C10orf88: variants seen among roughly 807,000 people sequenced by gnomAD.
The protein encoded by C10orf88 is chromosome 10 open reading frame 88, also known as ATPase PAAT.
A neutral mutation model predicts 34.2 loss-of-function variants in C10orf88; 29 were observed. That is an observed-to-expected ratio of 0.85 (90% CI 0.63 to 1.16). The LOEUF is 1.16. Ranked by LOEUF, C10orf88 falls within the 50% of genes most tolerant of loss-of-function variation. The probability of loss-of-function intolerance (pLI) is 0.00; values close to 1 mark genes in which losing one functional copy is unlikely to be tolerated. For missense variants in C10orf88, 507 were observed against 533.2 expected (o/e 0.95, Z 0.48); for synonymous variants, 194 against 197.4 (o/e 0.98, Z 0.15).
At chr10:122,942,422 G>A (rs1848593784) in intron 4 of C10orf88, among the ~76,000 whole-genome samples, 1 of 152,160 alleles carries the variant, frequency 6.6e-6, no homozygotes, top group South Asian at 2.1e-4. Flanking sequence ...ATATCATACT[G>A]AATGGACAAA....
chr10:122,946,419 G>A (rs1401559104), intron 4 of C10orf88, among the ~76,000 whole-genome samples: 1 of 152,096 alleles, frequency 6.6e-6, no homozygotes, highest in Non-Finnish European at 1.5e-5. Flanking sequence ...AAAGTAACAT[G>A]CTATACAGGT....
chr10:122,951,936 T>C lies in C10orf88; in HGVS notation c.441+18A>G. 1 of 1,486,980 alleles carries C rather than the reference T, an allele frequency of 6.7e-7. No homozygotes were observed. The highest frequency in any genetic ancestry group is 1.2e-5 in the South Asian group (1 of 83,532). 92.1% of individuals were successfully genotyped at this position (1,486,980 alleles called of 1,614,324 possible). On this transcript the variant is annotated intron_variant, in intron 3 of 5. Transcript: ENST00000481909. ...AAAACAACTTAGTTGTCAAATTAGT[T>C]TACAACTGACAACTTACCTTTATTT...
At chr10:122,942,939 G>A (rs1848600123) in intron 4 of C10orf88, among the ~76,000 whole-genome samples, 1 of 147,270 alleles carries the variant, frequency 6.8e-6, no homozygotes, top group Admixed American at 6.8e-5. Context: ...CGTGAAAATG[G>A]CCATACTGCC....
chr10:122,940,738 G>A lies in C10orf88; in HGVS notation c.649-2579C>T, dbSNP rs565686509. Among the ~76,000 whole-genome samples, 252 of 152,074 alleles carry A rather than the reference G, an allele frequency of 1.7e-3. 1 individual carries two copies. Among genetic ancestry groups the A allele is most frequent in the Non-Finnish European group, 2.9e-3 (195 of 67,890 alleles). The stretch of plus-strand genomic sequence containing the variant: ...ATTTCTCTTTATGTGAGCCTCCACT[G>A]TTAACATGCTATTAAAAATTTTGAA... On this transcript the variant is annotated intron_variant, in intron 4 of 5. Coordinates refer to ENST00000481909, the MANE Select transcript of C10orf88 (RefSeq NM_024942.4).
chr10:122,932,503 T>G lies in C10orf88; in HGVS notation c.1262A>C (p.Asn421Thr), dbSNP rs147443904. 14 of 1,613,896 alleles carry G rather than the reference T, an allele frequency of 8.7e-6. No homozygotes were observed. In the African/African-American group the frequency reaches 1.5e-4, roughly 17 times the overall value. ...TATCCCAGTGGGCGGGGAGTTAGGA[T>G]TTTGCAGCAAATCCAGTAACAAAGC... ...KIALLLDLLQNPNSPPTGIPL... is the reference protein window; with the variant it reads ...KIALLLDLLQTPNSPPTGIPL... The change falls in exon 6 of 6, where the codon AAT becomes ACT. Residue 421 changes from asparagine to threonine, a missense_variant. Physicochemically the swap from Asn to Thr is moderately conservative, Grantham distance 65. Transcript: ENST00000481909.
chr10:122,937,616 G>C (rs1848544888), intron 5 of C10orf88, 89 bp downstream of exon 5: 4 of 1,169,706 alleles, frequency 3.4e-6, no homozygotes, highest in Non-Finnish European at 4.8e-6. Context: ...ACAAATTTTA[G>C]GCAGTACTCA....
At chr10:122,935,397 A>G (rs553266217) in intron 5 of C10orf88, among the ~76,000 whole-genome samples, 2 of 152,164 alleles carry the variant, frequency 1.3e-5, no homozygotes, top group East Asian at 3.9e-4. Context: ...AGCACAGGTT[A>G]AAAAGACAAT....
intron 1 of C10orf88, among the ~76,000 whole-genome samples, chr10:122,953,799 C>T (rs559992978): frequency 6.6e-6 from 1 of 152,076 alleles, no homozygotes; most frequent in Non-Finnish European, 1.5e-5. Context: ...GGTCACCTTC[C>T]CCCTCTCACG....
chr10:122,936,026 A>T (rs1848531370), intron 5 of C10orf88, among the ~76,000 whole-genome samples: 1 of 151,936 alleles, frequency 6.6e-6, no homozygotes, highest in Admixed American at 6.6e-5. Flanking sequence ...TTTTAAAAGC[A>T]TGTAAAATTG....
intron 4 of C10orf88, among the ~76,000 whole-genome samples, chr10:122,947,422 T>C (rs1848650148): frequency 6.6e-6 from 1 of 152,192 alleles, no homozygotes; most frequent in Admixed American, 6.5e-5. Context: ...AAAAAAATAT[T>C]AATTAACTTG....
intron 4 of C10orf88, among the ~76,000 whole-genome samples, chr10:122,943,856 A>G (rs1848609213): frequency 6.6e-6 from 1 of 152,260 alleles, no homozygotes; most frequent in South Asian, 2.1e-4. Flanking sequence ...AATGGCAATC[A>G]TTAAAAAGTC....
intron 4 of C10orf88, among the ~76,000 whole-genome samples, chr10:122,940,432 A>G (rs545848105): frequency 1.3e-5 from 2 of 152,152 alleles, no homozygotes; most frequent in South Asian, 4.1e-4. Context: ...TTGCTATTCA[A>G]TAGGTATAAA....
chr10:122,951,855 C>G lies in C10orf88; in HGVS notation c.441+99G>C. On this transcript the variant is annotated intron_variant, in intron 3 of 5. Coordinates refer to ENST00000481909, the MANE Select transcript of C10orf88 (RefSeq NM_024942.4). ...GAAAAGAAAAAAAAAAGCAAGCAAGCAAGTTGGACTAATTGTATTACTAAT... is the reference window on the plus strand; with the variant it reads ...GAAAAGAAAAAAAAAAGCAAGCAAGGAAGTTGGACTAATTGTATTACTAAT... 4.0e-6 allele frequency: 3 copies of G among 745,464 alleles called. No individual in the cohort carries two copies. The South Asian group carries it at 4.9e-5, about 12-fold the overall frequency. The allele number at this position is 745,464 out of a possible 1,614,324, so 46.2% of individuals were successfully genotyped here. A position where few individuals can be genotyped will look rare whatever the true frequency, so the allele number is the denominator to read the frequency against.
intron 3 of C10orf88, 143 bp downstream of exon 3, chr10:122,951,811 C>T: frequency 1.8e-6 from 1 of 551,512 alleles, no homozygotes; most frequent in South Asian, 2.0e-5. Context: ...GCCTGGGCAA[C>T]AGAGCAAGAT....
chr10:122,951,561 T>TAA (rs56939616), intron 3 of C10orf88, among the ~76,000 whole-genome samples: 1 of 146,022 alleles, frequency 6.8e-6, no homozygotes, highest in Non-Finnish European at 1.5e-5. Flanking sequence ...GTGAAAAATT[T>TAA]AAAAAAAAAA....
At chr10:122,948,295 C>T (rs569781114) in intron 4 of C10orf88, among the ~76,000 whole-genome samples, 1 of 152,100 alleles carries the variant, frequency 6.6e-6, no homozygotes, top group Non-Finnish European at 1.5e-5. Context: ...TTTTAGTGAG[C>T]CTTTCCTTAG....
At chr10:122,953,077 A>T in intron 1 of C10orf88, 45 bp from the exon 2 acceptor site, 2 of 1,454,826 alleles carry the variant, frequency 1.4e-6, no homozygotes, top group Non-Finnish European at 1.9e-6. Context: ...TAGTTCTCTG[A>T]ACATGACTCT....
chr10:122,948,652 C>T lies in C10orf88; in HGVS notation c.645G>A (p.Gln215=), dbSNP rs751078863. 6.2e-7 allele frequency: 1 copy of T among 1,613,094 alleles called. No individual in the cohort carries two copies. Among genetic ancestry groups the T allele is most frequent in the Non-Finnish European group, 8.5e-7 (1 of 1,179,396 alleles). The change falls in exon 4 of 6, where the codon CAG becomes CAA. Residue 215 remains glutamine (Q), a synonymous_variant. Coordinates refer to ENST00000481909, the MANE Select transcript of C10orf88 (RefSeq NM_024942.4). Reference sequence around the variant, plus strand: ...AAAGAAATCCATTTCTACTTACCCGCTGCTGACACCTAACCATATCCATCA... The same window carrying T: ...AAAGAAATCCATTTCTACTTACCCGTTGCTGACACCTAACCATATCCATCA... The part of the protein sequence containing the change: ...QQLMDMVRCQ[Q]RNCIPIGEQL...
At chr10:122,943,748 T>C (rs1848608409) in intron 4 of C10orf88, among the ~76,000 whole-genome samples, 1 of 152,098 alleles carries the variant, frequency 6.6e-6, no homozygotes, top group Non-Finnish European at 1.5e-5. Flanking sequence ...AGAAGACATT[T>C]ATGCAGCCAA....
Sources: gnomAD v4.1 joint callset for allele counts (sites outside exome capture counted in the v4.1 genomes callset) on GRCh38, gnomAD v4.1.1 for gene constraint, MANE v1.5 for transcripts, NCBI Gene and HGNC (gene_info 2026-07-23, HGNC 2026-07-21) for gene names.